Variants in SRGAP2C observed in about 807,000 individuals in gnomAD.
SRGAP2C encodes SLIT-ROBO Rho GTPase activating protein 2C.
Under a neutral mutation model 25.1 loss-of-function variants are expected in SRGAP2C, and 15 were observed. The ratio of observed to expected loss-of-function variants is 0.60; its 90% confidence interval spans 0.40 to 0.92. The LOEUF (loss-of-function observed/expected upper bound fraction) is 0.92. SRGAP2C is among the 40% of genes least tolerant of loss of function. The pLI is 0.00. For missense variants in SRGAP2C, 144 were observed against 264.4 expected, an observed-to-expected ratio of 0.54 and a Z score of 3.16; for synonymous variants, 44 against 96.6, an observed-to-expected ratio of 0.46 and a Z score of 3.19.
Position 121,381,109 on chromosome 1 carries a change from C to A in SRGAP2C, c.832-1592C>A, listed in dbSNP as rs1369056893. On this transcript the variant is annotated intron_variant, in intron 7 of 9. Transcript: ENST00000367123. ...ATCTCCCAGAGAGCCCATGCCCGTG[C>A]AGCGTCCTAATGAGCCACTTTTGTC... Among the ~76,000 whole-genome samples the A allele has an allele frequency of 7.9e-4, 73 of 92,226 alleles. 21 individuals carry two copies. The highest frequency in any genetic ancestry group is 2.6e-3 in the African/African-American group (69 of 26,742). 60.5% of individuals were successfully genotyped at this position (92,226 alleles called of 152,430 possible). A position where few individuals can be genotyped will look rare whatever the true frequency, so the allele number is the denominator to read the frequency against.
rs1657804964 is a variant in SRGAP2C, at chr1:121,305,304, A to G, written c.261-19174A>G. Among the ~76,000 whole-genome samples, 3 of 139,948 alleles carry G rather than the reference A, an allele frequency of 2.1e-5. No homozygotes were observed. The South Asian group carries it at 7.4e-4, about 34-fold the overall frequency. The allele number at this position is 139,948 out of a possible 152,430, so 91.8% of individuals were successfully genotyped here. ...TATGCTTGATGTAAGACCTTAGGAT[A>G]ATGTTGATCTGGCCTTTCAGACATG... is the stretch of plus-strand genomic sequence containing the variant. On this transcript the variant is annotated intron_variant, in intron 3 of 9. Transcript: ENST00000367123.
At chr1:121,303,880 A>C (rs1283032171) in intron 3 of SRGAP2C, among the ~76,000 whole-genome samples, 14 of 150,348 alleles carry the variant, frequency 9.3e-5, no homozygotes, top group Non-Finnish European at 1.5e-4. Flanking sequence ...TTAATTGCTC[A>C]GTCCTAGAGT....
Position 121,304,182 on chromosome 1 carries a change from G to C in SRGAP2C, c.260+19187G>C, listed in dbSNP as rs1478800599. On this transcript the variant is annotated intron_variant, in intron 3 of 9. Transcript: ENST00000367123. ...GCCGAGATCGTGCCACTGCACTCCA[G>C]CCTGGGTGACAGACCGAGACTCCAT... Among the ~76,000 whole-genome samples the C allele has an allele frequency of 3.0e-5, 4 of 133,754 alleles. No homozygotes were observed. In the East Asian group the frequency reaches 6.6e-4, roughly 22 times the overall value. The allele number at this position is 133,754 out of a possible 152,430, so 87.7% of individuals were successfully genotyped here. A position where few individuals can be genotyped will look rare whatever the true frequency, so the allele number is the denominator to read the frequency against.
intron 2 of SRGAP2C, among the ~76,000 whole-genome samples, chr1:121,195,189 T>C (rs587692172): frequency 6.6e-6 from 1 of 152,296 alleles, no homozygotes; most frequent in African/African-American, 2.4e-5. Flanking sequence ...GGCAGATGGA[T>C]CACCTGAGGT....
chr1:121,258,610 C>T (rs1656538292), intron 2 of SRGAP2C, among the ~76,000 whole-genome samples: 1 of 150,780 alleles, frequency 6.6e-6, no homozygotes, highest in Non-Finnish European at 1.5e-5. Flanking sequence ...GGATTACAGG[C>T]ATGTGCCACC....
chr1:121,314,780 C>G (rs1456740024), intron 3 of SRGAP2C, among the ~76,000 whole-genome samples: 4 of 151,706 alleles, frequency 2.6e-5, no homozygotes, highest in South Asian at 2.1e-4. Flanking sequence ...GCAGTCTGCC[C>G]GTTCTCAGAT....
intron 2 of SRGAP2C, among the ~76,000 whole-genome samples, chr1:121,234,995 C>G (rs1655912823): frequency 6.6e-6 from 1 of 150,450 alleles, no homozygotes; most frequent in Non-Finnish European, 1.5e-5. Context: ...TTCCTTCACT[C>G]TCTCTCTCTT....
At chr1:121,297,839 G>C (rs1657628244) in intron 3 of SRGAP2C, among the ~76,000 whole-genome samples, 1 of 145,460 alleles carries the variant, frequency 6.9e-6, no homozygotes, top group Admixed American at 6.9e-5. Context: ...TGCTGGTTAA[G>C]TGAATTAATA....
chr1:121,374,294 G>C, intron 6 of SRGAP2C, 108 bp downstream of exon 6: 1 of 584,452 alleles, frequency 1.7e-6, no homozygotes, highest in South Asian at 1.8e-5. Context: ...GAAGCTCTGG[G>C]TTCTTTTAGT....
chr1:121,366,302 A>G (rs1354435704), intron 5 of SRGAP2C, among the ~76,000 whole-genome samples: 7 of 134,910 alleles, frequency 5.2e-5, no homozygotes, highest in African/African-American at 1.7e-4. Context: ...TTTTTTTTTA[A>G]TTCACAGAAC....
rs1207115431 is a variant in SRGAP2C, at chr1:121,292,709, A to G, written c.260+7714A>G. Among the ~76,000 whole-genome samples the G allele has an allele frequency of 4.9e-4, 38 of 77,176 alleles. 14 individuals are homozygous for G. In the South Asian group the frequency reaches 0.012, roughly 25 times the overall value. 50.6% of individuals were successfully genotyped at this position (77,176 alleles called of 152,430 possible). ...AGGAAAAGGCAACAGGACGAGGGGA[A>G]GGTATGGCCTTATTTTTTAAAGGTG... is the stretch of plus-strand genomic sequence containing the variant. On this transcript the variant is annotated intron_variant, in intron 3 of 9. Coordinates refer to ENST00000367123, the MANE Select transcript of SRGAP2C (RefSeq NM_001329984.2).
intron 2 of SRGAP2C, among the ~76,000 whole-genome samples, chr1:121,268,022 T>C (rs1273689867): frequency 6.8e-6 from 1 of 147,078 alleles, no homozygotes; most frequent in Non-Finnish European, 1.5e-5. Flanking sequence ...CTTTATTGAG[T>C]GCTTACTCTA....
At chr1:121,314,513 A>G (rs1658049226) in intron 3 of SRGAP2C, among the ~76,000 whole-genome samples, 1 of 151,886 alleles carries the variant, frequency 6.6e-6, no homozygotes, top group Non-Finnish European at 1.5e-5. Context: ...TGCGTTTTAG[A>G]GTTTCCAGTT....
intron 4 of SRGAP2C, among the ~76,000 whole-genome samples, chr1:121,347,005 G>T (rs1173990303): frequency 6.6e-6 from 1 of 151,958 alleles, no homozygotes; most frequent in South Asian, 2.1e-4. Context: ...GGCCGGGGTA[G>T]GGGTACTGAT....
At chr1:121,281,420 C>CCTT (rs1301047702) in intron 2 of SRGAP2C, among the ~76,000 whole-genome samples, 1 of 149,498 alleles carries the variant, frequency 6.7e-6, no homozygotes, top group Non-Finnish European at 1.5e-5. Flanking sequence ...TCCTTTTCCT[C>CCTT]CTTCTTCTTC....
At chr1:121,346,651 G>T (rs1439419008) in intron 4 of SRGAP2C, among the ~76,000 whole-genome samples, 1 of 152,194 alleles carries the variant, frequency 6.6e-6, no homozygotes, top group South Asian at 2.1e-4. Flanking sequence ...AATCTATAGA[G>T]GGTACACCCC....
chr1:121,314,145 A>T (rs1658034540), intron 3 of SRGAP2C, among the ~76,000 whole-genome samples: 1 of 90,250 alleles, frequency 1.1e-5, no homozygotes, highest in Non-Finnish European at 2.3e-5. Flanking sequence ...TTTTTTCTCT[A>T]ACCTTCTCTT....
intron 2 of SRGAP2C, among the ~76,000 whole-genome samples, chr1:121,270,380 C>G (rs1656912633): frequency 6.8e-6 from 1 of 147,622 alleles, no homozygotes; most frequent in Non-Finnish European, 1.5e-5. Flanking sequence ...ATAACTCTTT[C>G]TTTATCCTTG....
At chr1:121,208,650 C>T (rs1158745774) in intron 2 of SRGAP2C, among the ~76,000 whole-genome samples, 12 of 151,790 alleles carry the variant, frequency 7.9e-5, no homozygotes, top group African/African-American at 2.2e-4. Flanking sequence ...CTATTTTGCA[C>T]GTATTTGTTT....
Sources: gnomAD v4.1 joint callset for allele counts (sites outside exome capture counted in the v4.1 genomes callset) on GRCh38, gnomAD v4.1.1 for gene constraint, MANE v1.5 for transcripts, NCBI Gene and HGNC (gene_info 2026-07-23, HGNC 2026-07-21) for gene names.